The following TENM4 variants were observed in gnomAD, a reference collection of about 807,000 sequenced individuals.
TENM4 encodes the protein teneurin transmembrane protein 4.
Under a neutral mutation model 243.3 loss-of-function variants are expected in TENM4, and 82 were observed. The observed-to-expected ratio is 0.34, with a 90% CI of 0.28 to 0.40. TENM4 has a LOEUF of 0.40. Among genes scored for constraint, TENM4 ranks in the 10% least tolerant of loss-of-function variants. The pLI, the probability that TENM4 is intolerant of heterozygous loss-of-function variation, is 1.00. For missense variants in TENM4, 3,138 were observed against 3,673.3 expected (o/e 0.85, Z 3.77); for synonymous variants, 1,412 against 1,456.3 (o/e 0.97, Z 0.69).
rs113884106 is a variant in TENM4, at chr11:79,064,678, A to G, written c.493+60T>C. 4,702 of 1,540,034 alleles carry G rather than the reference A, an allele frequency of 3.1e-3. 138 individuals carry two copies. The South Asian group carries it at 0.044, about 15-fold the overall frequency. On this transcript the variant is annotated intron_variant, in intron 6 of 33. Coordinates refer to ENST00000278550, the MANE Select transcript of TENM4 (RefSeq NM_001098816.3). ...GGCAGTGGAGCAGGAAATCAATATT[A>G]TAAATAAAACCCCAGCCCCACCACC...
intron 9 of TENM4, among the ~76,000 whole-genome samples, chr11:78,875,189 G>A (rs1859237137): frequency 6.6e-6 from 1 of 152,160 alleles, no homozygotes; most frequent in African/African-American, 2.4e-5. Flanking sequence ...CAGACGGATG[G>A]ATGTTCATTT....
intron 12 of TENM4, among the ~76,000 whole-genome samples, chr11:78,819,601 G>A (rs530158340): frequency 5.3e-5 from 8 of 152,248 alleles, no homozygotes; most frequent in Admixed American, 2.0e-4. Context: ...GTGGACGTGC[G>A]AGCTTGATGC....
chr11:79,049,267 C>G (rs1365004574), intron 6 of TENM4, among the ~76,000 whole-genome samples: 1 of 152,202 alleles, frequency 6.6e-6, no homozygotes, highest in African/African-American at 2.4e-5. Context: ...TTGGACACGG[C>G]TCTTCCCCCC....
At chr11:78,945,258 G>A (rs1015441638) in intron 6 of TENM4, among the ~76,000 whole-genome samples, 1 of 152,136 alleles carries the variant, frequency 6.6e-6, no homozygotes, top group African/African-American at 2.4e-5. Context: ...TCATGTTTCT[G>A]TTTCTCATTT....
chr11:78,885,928 C>A (rs636672), intron 9 of TENM4, among the ~76,000 whole-genome samples: 66,759 of 151,950 alleles, frequency 0.44, 17,458 homozygotes, highest in African/African-American at 0.73. Context: ...CCCATCTCTA[C>A]ACAAACAAAC....
intron 4 of TENM4, among the ~76,000 whole-genome samples, chr11:79,095,156 G>A (rs942851990): frequency 6.6e-6 from 1 of 152,152 alleles, no homozygotes; most frequent in Non-Finnish European, 1.5e-5. Context: ...CTGCAGTCAG[G>A]AAGCTCTGCC....
chr11:78,709,134 ATTTTTT>A (rs372114866), intron 26 of TENM4, among the ~76,000 whole-genome samples: 2 of 126,108 alleles, frequency 1.6e-5, no homozygotes, highest in African/African-American at 3.1e-5. Flanking sequence ...TGCCTGGCTA[ATTTTTT>A]TTTTTTTTTT....
rs756590787 is a variant in TENM4 at position 78,831,607 on chromosome 11, C to T, written c.1682-17212G>A. Among the ~76,000 whole-genome samples the T allele has an allele frequency of 2.1e-4, 32 of 152,316 alleles. 1 individual carries two copies. The highest frequency in any genetic ancestry group is 3.4e-3 in the Middle Eastern group (1 of 294). On this transcript the variant is annotated intron_variant, in intron 12 of 33. Coordinates refer to ENST00000278550, the MANE Select transcript of TENM4 (RefSeq NM_001098816.3). ...ATTTAGAAAGAAAGAACATTACCTT[C>T]AAAGGCAGATGTTTTCAGAATTACA...
At chr11:78,979,244 C>G (rs796182525) in intron 6 of TENM4, among the ~76,000 whole-genome samples, 1 of 152,098 alleles carries the variant, frequency 6.6e-6, no homozygotes, top group South Asian at 2.1e-4. Flanking sequence ...AGTTCTCAGC[C>G]CTCCCAAGGG....
chr11:78,750,120 C>G (rs989454442), intron 19 of TENM4, among the ~76,000 whole-genome samples: 1 of 152,204 alleles, frequency 6.6e-6, no homozygotes, highest in African/African-American at 2.4e-5. Context: ...ACTGGTTCTG[C>G]AGTATAGAAT....
intron 26 of TENM4, among the ~76,000 whole-genome samples, chr11:78,708,873 T>G (rs531906767): frequency 2.6e-5 from 4 of 152,238 alleles, no homozygotes; most frequent in African/African-American, 7.2e-5. Flanking sequence ...ATATTAACAC[T>G]GTGAATTATT....
At chr11:78,918,494 G>A (rs1856371805) in intron 6 of TENM4, among the ~76,000 whole-genome samples, 1 of 150,966 alleles carries the variant, frequency 6.6e-6, no homozygotes, top group South Asian at 2.1e-4. Flanking sequence ...AATCAGCCCA[G>A]TTCAGGTTTG....
chr11:79,033,541 T>C (rs1859301813), intron 6 of TENM4, among the ~76,000 whole-genome samples: 1 of 152,228 alleles, frequency 6.6e-6, no homozygotes, highest in African/African-American at 2.4e-5. Flanking sequence ...GAGCTGGGAT[T>C]ACATGGTGCC....
chr11:79,277,902 G>A (rs1020049563), intron 2 of TENM4, among the ~76,000 whole-genome samples: 17 of 152,134 alleles, frequency 1.1e-4, no homozygotes, highest in Non-Finnish European at 2.2e-4. Context: ...TGAGGTGAGG[G>A]CAGAGAGCAA....
Position 78,669,136 on chromosome 11 carries a change from A to G in TENM4, c.7209T>C (p.His2403=), listed in dbSNP as rs757529385. 6.8e-6 allele frequency: 11 copies of G among 1,613,632 alleles called. No homozygotes were observed. In the African/African-American group the frequency reaches 1.3e-4, roughly 20 times the overall value. The change falls in exon 32 of 34, where the codon CAT becomes CAC. Residue 2403 remains histidine, a synonymous_variant. Coordinates refer to ENST00000278550, the MANE Select transcript of TENM4 (RefSeq NM_001098816.3). The surrounding 1 kb of genome is among the most constrained non-coding windows in gnomAD (Gnocchi z 6.4). ...NPNFQIIIGY[H]GGLYDPLTKL... ...TGGTGAGTGGATCATAGAGGCCACC[A>G]TGGTAGCCTATGATGATCTGAAAGT...
At chr11:78,691,580 C>T (rs1229698349) in intron 28 of TENM4, among the ~76,000 whole-genome samples, 2 of 152,128 alleles carry the variant, frequency 1.3e-5, no homozygotes, top group African/African-American at 4.8e-5. Flanking sequence ...GAGTTTTAGT[C>T]TTGAAGACAG....
chr11:78,779,214 T>A (rs770204254), intron 16 of TENM4, among the ~76,000 whole-genome samples: 5 of 152,236 alleles, frequency 3.3e-5, no homozygotes, highest in African/African-American at 1.2e-4. Context: ...GAATTTTCCA[T>A]GTACACATGT....
At chr11:78,850,468 A>T (rs1214275539) in intron 12 of TENM4, among the ~76,000 whole-genome samples, 2 of 152,212 alleles carry the variant, frequency 1.3e-5, no homozygotes, top group African/African-American at 4.8e-5. Context: ...CACTAAAACA[A>T]GACCTAAACT....
chr11:78,965,554 T>C (rs1310084494), intron 6 of TENM4, among the ~76,000 whole-genome samples: 1 of 152,226 alleles, frequency 6.6e-6, no homozygotes, highest in African/African-American at 2.4e-5. Flanking sequence ...TTACAGCCTC[T>C]TCCTGAGTAA....
Sources: allele counts gnomAD v4.1 joint callset (sites outside exome capture counted in the v4.1 genomes callset), GRCh38; gene constraint gnomAD v4.1.1; non-coding constraint Gnocchi (gnomAD v3.1); transcripts MANE v1.5; gene names NCBI Gene and HGNC (gene_info 2026-07-23, HGNC 2026-07-21).